TNFAIP1: variants seen among roughly 807,000 people sequenced by gnomAD.
TNFAIP1 encodes the protein TNF alpha induced protein 1.
TNFAIP1 carries 20 observed loss-of-function variants against 32.6 expected under a neutral mutation model. The ratio of observed to expected loss-of-function variants is 0.61; its 90% CI spans 0.43 to 0.89. The LOEUF (loss-of-function observed/expected upper bound fraction) is 0.89. TNFAIP1 is among the 40% of genes least tolerant of loss of function. The pLI is 0.00. For missense variants in TNFAIP1, 319 were observed against 425.1 expected (o/e 0.75, Z 2.20); for synonymous variants, 166 against 166.8 (o/e 1.00, Z 0.04).
At chr17:28,341,172 G>A in intron 3 of TNFAIP1, 65 bp from the exon 4 acceptor site, 1 of 1,575,388 alleles carries the variant, frequency 6.3e-7, no homozygotes, top group East Asian at 2.2e-5. Flanking sequence ...GGCTCCAGAG[G>A]TATACCTCGA....
rs1907352047 is a variant in TNFAIP1 at position 28,341,266 on chromosome 17, C to T, written c.405C>T (p.Cys135=). 1 of 1,614,174 alleles carries T rather than the reference C, an allele frequency of 6.2e-7. No individual in the cohort carries two copies. Among genetic ancestry groups the T allele is most frequent in the Non-Finnish European group, 8.5e-7 (1 of 1,180,024 alleles). The part of the protein sequence containing the change: ...QDKKDSYQPV[C]NIPIITSLKE... ...AGAAGGACTCCTACCAGCCTGTGTG[C>T]AACATCCCCATCATCACATCCCTAA... is the stretch of plus-strand genomic sequence containing the variant. The change falls in exon 4 of 7, where the codon TGC becomes TGT. Residue 135 remains cysteine (C), a synonymous_variant. Transcript: ENST00000226225.
In TNFAIP1 at chr17:28,346,100, G is replaced by T. The variant is rs1907549142; in HGVS notation, c.*1500G>T. ...ATAGCTGATGCCACAGAGCCTATGG[G>T]CAAATGCCAGACCCAGGGTTAGACA... On this transcript the variant is annotated 3_prime_UTR_variant, in exon 7 of 7. Transcript: ENST00000226225. 6.6e-6 allele frequency: 1 copy of T among 152,188 alleles called. No individual in the cohort carries two copies. Among genetic ancestry groups the T allele is most frequent in the Non-Finnish European group, 1.5e-5 (1 of 68,046 alleles). The allele number at this position is 152,188 out of a possible 1,614,324, so 9.4% of individuals were successfully genotyped here. A position where few individuals can be genotyped will look rare whatever the true frequency, so the allele number is the denominator to read the frequency against.
chr17:28,336,729 G>T (rs940090239), intron 1 of TNFAIP1, among the ~76,000 whole-genome samples: 2 of 152,068 alleles, frequency 1.3e-5, no homozygotes, highest in South Asian at 4.1e-4. Flanking sequence ...CCTGGTGAGG[G>T]CTCACCTCCC....
At chr17:28,338,213 C>T (rs1347252221) in intron 1 of TNFAIP1, among the ~76,000 whole-genome samples, 6 of 152,204 alleles carry the variant, frequency 3.9e-5, no homozygotes, top group African/African-American at 1.4e-4. Flanking sequence ...TCAAGAGATC[C>T]TCCCACCTCG....
At chr17:28,344,331 A>G (rs1907467390) in intron 6 of TNFAIP1, 33 bp from the exon 7 acceptor site, 2 of 1,584,534 alleles carry the variant, frequency 1.3e-6, no homozygotes, top group East Asian at 4.5e-5. Flanking sequence ...TGAAGATGAA[A>G]CCTTGCTCCA....
At chr17:28,336,781 G>T (rs1473862377) in intron 1 of TNFAIP1, among the ~76,000 whole-genome samples, 1 of 152,174 alleles carries the variant, frequency 6.6e-6, no homozygotes, top group Non-Finnish European at 1.5e-5. Flanking sequence ...TCCCAGACAA[G>T]CCGCCAAAGG....
At chr17:28,341,841 T>C (rs1907373115) in intron 5 of TNFAIP1, among the ~76,000 whole-genome samples, 1 of 152,144 alleles carries the variant, frequency 6.6e-6, no homozygotes, top group African/African-American at 2.4e-5. Flanking sequence ...GTCCTCTCCA[T>C]AGGCCACAGT....
chr17:28,342,465 G>A lies in TNFAIP1; in HGVS notation c.714+23G>A. On this transcript the variant is annotated intron_variant, in intron 6 of 6. Coordinates refer to ENST00000226225, the MANE Select transcript of TNFAIP1 (RefSeq NM_021137.5). This position sits in a 1 kb window ranked among gnomAD's most constrained non-coding sequence, Gnocchi z 4.0. ...AAGGTGTGGGGGATTGCCCCTGCCT[G>A]GGTAGGGGAGGACACACACCCACTG... 1.3e-6 allele frequency: 2 copies of A among 1,561,710 alleles called. No individual in the cohort carries two copies. Among genetic ancestry groups the A allele is most frequent in the Non-Finnish European group, 1.8e-6 (2 of 1,140,602 alleles).
In TNFAIP1 at chr17:28,345,160, A is replaced by G. The variant is rs1039905866; in HGVS notation, c.*560A>G. On this transcript the variant is annotated 3_prime_UTR_variant, in exon 7 of 7. Coordinates refer to ENST00000226225, the MANE Select transcript of TNFAIP1 (RefSeq NM_021137.5). ...ATGACAGAACCCTTGGCCCTTCTCC[A>G]TGCCTGTGGGATCTGTTTCTTTAAA... 4.4e-5 allele frequency: 7 copies of G among 158,388 alleles called. No individual in the cohort carries two copies. The highest frequency in any genetic ancestry group is 1.4e-4 in the African/African-American group (6 of 41,492). The allele number at this position is 158,388 out of a possible 1,614,324, so 9.8% of individuals were successfully genotyped here.
intron 1 of TNFAIP1, among the ~76,000 whole-genome samples, chr17:28,338,504 A>C (rs1054958150): frequency 1.3e-5 from 2 of 152,018 alleles, no homozygotes; most frequent in African/African-American, 2.4e-5. Flanking sequence ...GGTAACCTGC[A>C]CCAAGAACAC....
chr17:28,337,620 G>A (rs922828116), intron 1 of TNFAIP1, among the ~76,000 whole-genome samples: 13 of 151,876 alleles, frequency 8.6e-5, no homozygotes, highest in African/African-American at 2.7e-4. Context: ...CACCCACTTC[G>A]GCCTCCTAAA....
At position 28,344,719 on chromosome 17, in the gene TNFAIP1, C is replaced by T; in HGVS notation, c.*119C>T. 9.8e-7 allele frequency: 1 copy of T among 1,025,038 alleles called. No homozygotes were observed. The highest frequency in any genetic ancestry group is 1.5e-6 in the Non-Finnish European group (1 of 687,260). 63.5% of individuals were successfully genotyped at this position (1,025,038 alleles called of 1,614,324 possible). A position where few individuals can be genotyped will look rare whatever the true frequency, so the allele number is the denominator to read the frequency against. ...TCTGCTCTAGCACCCAGAGGCATGA[C>T]AGGCCCTGCTCAGAGGTCAGAGGGT... On this transcript the variant is annotated 3_prime_UTR_variant, in exon 7 of 7. Coordinates refer to ENST00000226225, the MANE Select transcript of TNFAIP1 (RefSeq NM_021137.5).
At position 28,344,573 on chromosome 17, in the gene TNFAIP1, C is replaced by T. The variant is rs782026316; in HGVS notation, c.924C>T (p.Leu308=). The change falls in exon 7 of 7, where the codon CTC becomes CTT. Residue 308 remains leucine, a synonymous_variant. Transcript: ENST00000226225. ...ACAGCACTTACGATGACCGGCAGCTCGGCCACCAGTCTACCCATCGCGACT... is the reference window on the plus strand; with the variant it reads ...ACAGCACTTACGATGACCGGCAGCTTGGCCACCAGTCTACCCATCGCGACT... ...KRYSTYDDRQ[L]GHQSTHRD 1.7e-5 allele frequency: 27 copies of T among 1,613,146 alleles called. No homozygotes were observed. Among genetic ancestry groups the T allele is most frequent in the East Asian group, 1.6e-4 (7 of 44,890 alleles).
rs1358261215 is a variant in TNFAIP1, at chr17:28,342,728, C to T, written c.714+286C>T. On this transcript the variant is annotated intron_variant, in intron 6 of 6. Transcript: ENST00000226225. The surrounding 1 kb of genome is among the most constrained non-coding windows in gnomAD (Gnocchi z 4.0). ...GAAGTTGGCCCAATTCAGGTTTGAA[C>T]GCTGGCTCACACCACTTGCCAGTTT... Among the ~76,000 whole-genome samples, 6 of 152,208 alleles carry T rather than the reference C, an allele frequency of 3.9e-5. No homozygotes were observed. The highest frequency in any genetic ancestry group is 7.3e-5 in the Non-Finnish European group (5 of 68,042).
At chr17:28,339,917 A>G (rs1342287196) in intron 2 of TNFAIP1, among the ~76,000 whole-genome samples, 191 bp downstream of exon 2, 4 of 152,226 alleles carry the variant, frequency 2.6e-5, no homozygotes, top group African/African-American at 4.8e-5. Flanking sequence ...TCCAGGAAGA[A>G]GAGCCATACT....
rs76662257 is a variant in TNFAIP1, at chr17:28,342,753, T to G, written c.714+311T>G. Among the ~76,000 whole-genome samples, 130 of 152,352 alleles carry G rather than the reference T, an allele frequency of 8.5e-4. 1 individual carries two copies. The highest frequency in any genetic ancestry group is 3.0e-3 in the African/African-American group (126 of 41,584). On this transcript the variant is annotated intron_variant, in intron 6 of 6. Coordinates refer to ENST00000226225, the MANE Select transcript of TNFAIP1 (RefSeq NM_021137.5). This position sits in a 1 kb window ranked among gnomAD's most constrained non-coding sequence, Gnocchi z 4.0. Reference sequence around the variant, plus strand: ...CGCTGGCTCACACCACTTGCCAGTTTTCTGACTTTGGATAAGCCACTTAAG... The same window carrying G: ...CGCTGGCTCACACCACTTGCCAGTTGTCTGACTTTGGATAAGCCACTTAAG...
intron 6 of TNFAIP1, among the ~76,000 whole-genome samples, chr17:28,343,208 G>C (rs1907427544): frequency 6.6e-6 from 1 of 152,066 alleles, no homozygotes; most frequent in South Asian, 2.1e-4. Flanking sequence ...GGGGTTTCTG[G>C]CTAATCAACT....
In TNFAIP1 at chr17:28,344,502, A is replaced by G; in HGVS notation, c.853A>G (p.Thr285Ala). 4.3e-6 allele frequency: 7 copies of G among 1,613,890 alleles called. No individual in the cohort carries two copies. Among genetic ancestry groups the G allele is most frequent in the Non-Finnish European group, 5.9e-6 (7 of 1,180,010 alleles). ...SQASPSEDEE[T>A]FELRDRVRRI... ...GGCTTCCCCCAGTGAAGATGAGGAGACCTTTGAACTGCGGGACCGTGTCCG... is the reference window on the plus strand; with the variant it reads ...GGCTTCCCCCAGTGAAGATGAGGAGGCCTTTGAACTGCGGGACCGTGTCCG... Residue 285 changes from threonine to alanine, a missense_variant, in exon 7 of 7, where the codon ACC becomes GCC. Thr to Ala is a moderately conservative substitution (Grantham distance 58, BLOSUM62 0). Transcript: ENST00000226225.
intron 1 of TNFAIP1, among the ~76,000 whole-genome samples, chr17:28,338,623 C>G (rs186272566): frequency 4.3e-4 from 66 of 152,094 alleles, no homozygotes; most frequent in Non-Finnish European, 3.2e-4. Context: ...CTGGCACAGA[C>G]TGCTCTGGAG....
Sources: allele counts gnomAD v4.1 joint callset (sites outside exome capture counted in the v4.1 genomes callset), GRCh38; gene constraint gnomAD v4.1.1; non-coding constraint Gnocchi (gnomAD v3.1); transcripts MANE v1.5; gene names NCBI Gene and HGNC (gene_info 2026-07-23, HGNC 2026-07-21).